Variants in SYT1 observed in about 807,000 individuals in gnomAD.
SYT1 encodes synaptotagmin-1.
In SYT1, 8 loss-of-function variants were observed where a neutral mutation model predicts 44.8. The ratio of observed to expected loss-of-function variants is 0.18; its 90% CI spans 0.10 to 0.32. SYT1 has a LOEUF of 0.32. Ranked by LOEUF, SYT1 falls within the 10% of genes least tolerant of loss-of-function variation. SYT1 has a pLI of 1.00. For missense variants in SYT1, 286 were observed against 509.3 expected (o/e 0.56, Z 4.22); for synonymous variants, 154 against 188.8 (o/e 0.82, Z 1.51).
intron 1 of SYT1, among the ~76,000 whole-genome samples, chr12:78,966,015 T>G (rs61928063): frequency 0.054 from 8,080 of 150,618 alleles, 240 homozygotes; most frequent in Admixed American, 0.091. Context: ...CGGCAAAGAT[T>G]GCAGTGAGAT....
intron 1 of SYT1, among the ~76,000 whole-genome samples, chr12:78,943,557 C>T (rs778886650): frequency 2.6e-5 from 4 of 152,110 alleles, no homozygotes; most frequent in Non-Finnish European, 5.9e-5. Context: ...AGTCATCTCC[C>T]ACCAGGCCCC....
At chr12:79,373,885 T>G (rs527242421) in intron 9 of SYT1, among the ~76,000 whole-genome samples, 56 of 152,316 alleles carry the variant, frequency 3.7e-4, no homozygotes, top group African/African-American at 1.3e-3. Context: ...GTGTTTGCAT[T>G]ATCAAGTTTT....
chr12:78,997,499 A>G (rs1314012805), intron 2 of SYT1, among the ~76,000 whole-genome samples: 2 of 152,122 alleles, frequency 1.3e-5, no homozygotes, highest in African/African-American at 4.8e-5. Context: ...TTTGCTTTTA[A>G]AAATAGGGTT....
In SYT1 at chr12:79,030,349, T is replaced by A. The variant is rs528913608; in HGVS notation, c.-83-16948T>A. 2.0e-5 allele frequency among the ~76,000 whole-genome samples: 3 copies of A among 151,056 alleles called. No individual in the cohort carries two copies. The East Asian group carries it at 5.8e-4, about 29-fold the overall frequency. ...CCTTCCCATACTTACCTTATTCTCC[T>A]GCCACACTAACCTACTCTCTAGAAT... On this transcript the variant is annotated intron_variant, in intron 2 of 10. Coordinates refer to ENST00000261205, the MANE Select transcript of SYT1 (RefSeq NM_005639.3).
At chr12:79,225,519 A>G (rs568082103) in intron 4 of SYT1, among the ~76,000 whole-genome samples, 3 of 152,344 alleles carry the variant, frequency 2.0e-5, no homozygotes, top group East Asian at 1.9e-4. Context: ...TACTTTTGAT[A>G]TAACTTTGAG....
At chr12:79,401,724 C>CT (rs1885075767) in intron 9 of SYT1, among the ~76,000 whole-genome samples, 1 of 149,612 alleles carries the variant, frequency 6.7e-6, no homozygotes, top group African/African-American at 2.5e-5. Context: ...GGCTGGAGTG[C>CT]AGCAGCACAG....
chr12:79,378,822 G>A (rs956616765), intron 9 of SYT1, among the ~76,000 whole-genome samples: 11 of 152,116 alleles, frequency 7.2e-5, no homozygotes, highest in African/African-American at 2.7e-4. Context: ...ACTTGGGGAA[G>A]CATTAAATGT....
intron 3 of SYT1, among the ~76,000 whole-genome samples, chr12:79,086,982 AATAGCCTG>A (rs1346588366): frequency 1.6e-4 from 24 of 152,164 alleles, no homozygotes; most frequent in East Asian, 5.8e-4. Flanking sequence ...ACAAGCTTGA[AATAGCCTG>A]ATAGGATTGA....
chr12:79,054,616 C>T (rs1163718429), intron 3 of SYT1, among the ~76,000 whole-genome samples: 7 of 151,764 alleles, frequency 4.6e-5, no homozygotes, highest in Non-Finnish European at 8.8e-5. Flanking sequence ...TTCCTTTATC[C>T]TTCATTCTTT....
At chr12:79,015,843 G>A (rs1565763804) in intron 2 of SYT1, among the ~76,000 whole-genome samples, 1 of 152,056 alleles carries the variant, frequency 6.6e-6, no homozygotes, top group Non-Finnish European at 1.5e-5. Flanking sequence ...GCCAAGCTAG[G>A]TAGGCCAGGA....
chr12:79,177,697 C>T (rs1318475357), intron 3 of SYT1, among the ~76,000 whole-genome samples: 4 of 126,384 alleles, frequency 3.2e-5, no homozygotes, highest in Non-Finnish European at 6.5e-5. Context: ...TCCACATCCT[C>T]TCCAGCACCT....
intron 9 of SYT1, among the ~76,000 whole-genome samples, chr12:79,390,854 T>C (rs1257796445): frequency 3.9e-5 from 6 of 152,174 alleles, no homozygotes; most frequent in African/African-American, 1.2e-4. Flanking sequence ...ATTGTCTAAA[T>C]CTCTCTCAAA....
chr12:78,892,824 T>C, intron 1 of SYT1, among the ~76,000 whole-genome samples: 1 of 151,774 alleles, frequency 6.6e-6, no homozygotes, highest in East Asian at 1.9e-4. Flanking sequence ...ATTATTTTTT[T>C]CAGAATTACA....
At chr12:79,098,447 A>G (rs1878272422) in intron 3 of SYT1, among the ~76,000 whole-genome samples, 1 of 152,114 alleles carries the variant, frequency 6.6e-6, no homozygotes, top group African/African-American at 2.4e-5. Context: ...AACAGAAACT[A>G]TTTATATTGG....
intron 1 of SYT1, among the ~76,000 whole-genome samples, chr12:78,929,032 A>G (rs1402316309): frequency 6.6e-6 from 1 of 152,268 alleles, no homozygotes; most frequent in East Asian, 1.9e-4. Flanking sequence ...ACTAAAAAAA[A>G]GATGGTAGAA....
At chr12:79,085,089 A>G (rs1877292377) in intron 3 of SYT1, among the ~76,000 whole-genome samples, 1 of 152,176 alleles carries the variant, frequency 6.6e-6, no homozygotes, top group Non-Finnish European at 1.5e-5. Context: ...ATGTTGAACT[A>G]TCAGAAAGCA....
Position 79,449,139 on chromosome 12 carries a change from C to T in SYT1, c.*15C>T, listed in dbSNP as rs1247297901. On this transcript the variant is annotated 3_prime_UTR_variant, in exon 11 of 11. Transcript: ENST00000261205. Reference sequence around the variant, plus strand: ...TCAAGAAGTAAAGGAAAGAAGAAGCCTTTCTGCATTTGCCCATATAGTGCT... The same window carrying T: ...TCAAGAAGTAAAGGAAAGAAGAAGCTTTTCTGCATTTGCCCATATAGTGCT... 1 of 1,588,072 alleles carries T rather than the reference C, an allele frequency of 6.3e-7. No homozygotes were observed. Among genetic ancestry groups the T allele is most frequent in the Admixed American group, 1.8e-5 (1 of 55,100 alleles).
At chr12:79,202,769 T>C (rs994853047) in intron 3 of SYT1, among the ~76,000 whole-genome samples, 4 of 152,220 alleles carry the variant, frequency 2.6e-5, no homozygotes, top group African/African-American at 9.6e-5. Context: ...TCAATTGGAA[T>C]GCAATATATA....
intron 4 of SYT1, among the ~76,000 whole-genome samples, chr12:79,283,839 A>G (rs1048142199): frequency 2.6e-5 from 4 of 151,630 alleles, no homozygotes; most frequent in African/African-American, 9.7e-5. Context: ...AGAAAACACA[A>G]TTTCAAAAGT....
Sources: gnomAD v4.1 joint callset for allele counts (sites outside exome capture counted in the v4.1 genomes callset) on GRCh38, gnomAD v4.1.1 for gene constraint, MANE v1.5 for transcripts, NCBI Gene and HGNC (gene_info 2026-07-23, HGNC 2026-07-21) for gene names.